The following B3GNT2 variants were observed in gnomAD, a reference collection of about 807,000 sequenced individuals.
The protein encoded by B3GNT2 is UDP-GlcNAc:betaGal beta-1,3-N-acetylglucosaminyltransferase 2, also known as N-acetyllactosaminide beta-1,3-N-acetylglucosaminyltransferase 2.
A neutral mutation model predicts 27.6 loss-of-function variants in B3GNT2; 12 were observed. The observed-to-expected ratio is 0.44, with a 90% confidence interval of 0.28 to 0.71. The LOEUF (loss-of-function observed/expected upper bound fraction) is 0.71, where lower values mean the gene tolerates loss of function less well. Ranked by LOEUF, B3GNT2 falls within the 30% of genes least tolerant of loss-of-function variation. B3GNT2 has a pLI of 0.17. For missense variants in B3GNT2, 413 were observed against 488.5 expected (o/e 0.85, Z 1.46); for synonymous variants, 192 against 189.7 (o/e 1.01, Z -0.10).
chr2:62,211,357 C>A (rs550471533), intron 1 of B3GNT2, among the ~76,000 whole-genome samples: 1 of 152,114 alleles, frequency 6.6e-6, no homozygotes, highest in Admixed American at 6.5e-5. Context: ...CCCTGTCCCC[C>A]CCGTCCCCCC....
At position 62,222,434 on chromosome 2, in the gene B3GNT2, C is replaced by T. The variant is rs1186492944; in HGVS notation, c.214C>T (p.Pro72Ser). The T allele has an allele frequency of 1.2e-6, 2 of 1,614,028 alleles. No individual in the cohort carries two copies. Among genetic ancestry groups the T allele is most frequent in the South Asian group, 1.1e-5 (1 of 91,076 alleles). The change falls in exon 2 of 2, where the codon CCC becomes TCC. Residue 72 changes from proline (P) to serine (S), a missense_variant. Pro to Ser is a moderately conservative substitution (Grantham distance 74, BLOSUM62 -1). Transcript: ENST00000301998. The surrounding 1 kb of genome is among the most constrained non-coding windows in gnomAD (Gnocchi z 4.2). ...AGAGAAGCTGAACCGGCAGTACAACCCCATCCTGAGCATGCTGACCAACCA... is the reference window on the plus strand; with the variant it reads ...AGAGAAGCTGAACCGGCAGTACAACTCCATCCTGAGCATGCTGACCAACCA... ...EQEKLNRQYN[P>S]ILSMLTNQTG...
intron 1 of B3GNT2, among the ~76,000 whole-genome samples, chr2:62,204,748 C>A (rs1023599303): frequency 6.6e-6 from 1 of 152,132 alleles, no homozygotes; most frequent in Non-Finnish European, 1.5e-5. Context: ...CTATTTTTAA[C>A]TGAATGTTTC....
intron 1 of B3GNT2, among the ~76,000 whole-genome samples, chr2:62,211,552 T>C (rs1177216341): frequency 6.6e-6 from 1 of 152,216 alleles, no homozygotes; most frequent in Admixed American, 6.5e-5. Flanking sequence ...CTTCGTTTTT[T>C]CCCTTATTTC....
At chr2:62,214,852 G>C (rs1355862325) in intron 1 of B3GNT2, among the ~76,000 whole-genome samples, 1 of 152,054 alleles carries the variant, frequency 6.6e-6, no homozygotes, top group Non-Finnish European at 1.5e-5. Context: ...AAATGGATCT[G>C]GGACATCTCC....
intron 1 of B3GNT2, among the ~76,000 whole-genome samples, chr2:62,204,183 T>C (rs766575349): frequency 1.3e-5 from 2 of 152,148 alleles, no homozygotes; most frequent in Non-Finnish European, 2.9e-5. Context: ...TGCACCACCA[T>C]GCCTGGCTAA....
chr2:62,215,356 T>C (rs1674552937), intron 1 of B3GNT2, among the ~76,000 whole-genome samples: 1 of 152,164 alleles, frequency 6.6e-6, no homozygotes, highest in Non-Finnish European at 1.5e-5. Context: ...CAGGGAGTCC[T>C]GAGGCTCCCT....
At chr2:62,218,551 C>T (rs946566551) in intron 1 of B3GNT2, among the ~76,000 whole-genome samples, 8 of 152,104 alleles carry the variant, frequency 5.3e-5, no homozygotes, top group Non-Finnish European at 1.0e-4. Flanking sequence ...ACCATGATCC[C>T]GTGCCATAAT....
intron 1 of B3GNT2, among the ~76,000 whole-genome samples, chr2:62,220,465 A>G (rs1674669030): frequency 1.3e-5 from 2 of 152,382 alleles, no homozygotes; most frequent in South Asian, 4.1e-4. Flanking sequence ...GTTTTACAGC[A>G]TTCTCAGCAT....
intron 1 of B3GNT2, among the ~76,000 whole-genome samples, chr2:62,199,126 A>G (rs965469399): frequency 1.3e-5 from 2 of 152,136 alleles, no homozygotes; most frequent in African/African-American, 4.8e-5. Flanking sequence ...TCTTTAGTAG[A>G]GACAGGGTTT....
chr2:62,210,083 G>T lies in B3GNT2; in HGVS notation c.-9-12129G>T, dbSNP rs116483138. On this transcript the variant is annotated intron_variant, in intron 1 of 1. Transcript: ENST00000301998. Reference sequence around the variant, plus strand: ...TCAATTTGGAAAGAAAAAAAAATTCGATTCCCCCTGCCTTTCCTTGGAATG... The same window carrying T: ...TCAATTTGGAAAGAAAAAAAAATTCTATTCCCCCTGCCTTTCCTTGGAATG... Among the ~76,000 whole-genome samples, 904 of 152,238 alleles carry T rather than the reference G, an allele frequency of 5.9e-3. 17 individuals are homozygous for T. Among genetic ancestry groups the T allele is most frequent in the African/African-American group, 0.021 (857 of 41,542 alleles).
intron 1 of B3GNT2, chr2:62,221,729 G>A: frequency 2.3e-6 from 1 of 428,994 alleles, no homozygotes; most frequent in South Asian, 1.8e-5. Flanking sequence ...CGTCACACAT[G>A]TAAATAGAGT....
At chr2:62,218,076 CT>C (rs1674608791) in intron 1 of B3GNT2, among the ~76,000 whole-genome samples, 1 of 152,090 alleles carries the variant, frequency 6.6e-6, no homozygotes, top group Non-Finnish European at 1.5e-5. Flanking sequence ...GGTGAGTTTT[CT>C]TAAATTCTTC....
At chr2:62,219,572 G>T (rs1674643712) in intron 1 of B3GNT2, among the ~76,000 whole-genome samples, 1 of 152,088 alleles carries the variant, frequency 6.6e-6, no homozygotes, top group Non-Finnish European at 1.5e-5. Context: ...GAGTCACTCT[G>T]CCTGGCCCCT....
At position 62,222,847 on chromosome 2, in the gene B3GNT2, T is replaced by A; in HGVS notation, c.627T>A (p.Leu209=). The change falls in exon 2 of 2, where the codon CTT becomes CTA. Residue 209 remains leucine (L), a synonymous_variant. Transcript: ENST00000301998. The surrounding 1 kb of genome is among the most constrained non-coding windows in gnomAD (Gnocchi z 4.2). ...AGAGTGAGAAGCACCAAGACATTCT[T>A]ATGTGGAACTACAGAGACACTTTCT... ...KFESEKHQDI[L]MWNYRDTFFN... 2 of 1,614,168 alleles carry A rather than the reference T, an allele frequency of 1.2e-6. No homozygotes were observed. The highest frequency in any genetic ancestry group is 1.7e-6 in the Non-Finnish European group (2 of 1,180,034).
intron 1 of B3GNT2, among the ~76,000 whole-genome samples, chr2:62,212,461 G>A (rs1358284625): frequency 6.6e-6 from 1 of 151,946 alleles, no homozygotes; most frequent in African/African-American, 2.4e-5. Context: ...AGCTGCTCTG[G>A]CCTAGGGTAT....
chr2:62,206,545 C>A (rs1419555590), intron 1 of B3GNT2, among the ~76,000 whole-genome samples: 1 of 152,142 alleles, frequency 6.6e-6, no homozygotes, highest in Admixed American at 6.5e-5. Context: ...TTAGACCATG[C>A]ACTTTAATCC....
At chr2:62,204,288 A>T (rs147737744) in intron 1 of B3GNT2, among the ~76,000 whole-genome samples, 1 of 114,236 alleles carries the variant, frequency 8.8e-6, no homozygotes, top group African/African-American at 3.1e-5. Context: ...GGCCTCCCAA[A>T]GTGCCTGGTA....
chr2:62,221,556 C>T lies in B3GNT2; in HGVS notation c.-9-656C>T, dbSNP rs1674693361. ...ATAGGGTCAGACATGCCTATAATCC[C>T]AGCACTTTGGGAGGCTGAGGTGGGA... On this transcript the variant is annotated intron_variant, in intron 1 of 1. Coordinates refer to ENST00000301998, the MANE Select transcript of B3GNT2 (RefSeq NM_006577.6). Among the ~76,000 whole-genome samples, 7 of 152,108 alleles carry T rather than the reference C, an allele frequency of 4.6e-5. No homozygotes were observed. In the South Asian group the frequency reaches 1.5e-3, roughly 32 times the overall value.
At chr2:62,208,743 T>C (rs1674426479) in intron 1 of B3GNT2, among the ~76,000 whole-genome samples, 1 of 152,234 alleles carries the variant, frequency 6.6e-6, no homozygotes, top group South Asian at 2.1e-4. Flanking sequence ...GATTAGGTCC[T>C]GGTTCCTTTA....
Sources: gnomAD v4.1 joint callset for allele counts (sites outside exome capture counted in the v4.1 genomes callset) on GRCh38, gnomAD v4.1.1 for gene constraint, Gnocchi (gnomAD v3.1) non-coding constraint, MANE v1.5 for transcripts, NCBI Gene and HGNC (gene_info 2026-07-23, HGNC 2026-07-21) for gene names.